The following CRB1 variants were observed in gnomAD, a reference collection of about 807,000 sequenced individuals.
The protein encoded by CRB1 is protein crumbs homolog 1.
In CRB1, 83 loss-of-function variants were observed where a neutral mutation model predicts 120.0. The ratio of observed to expected loss-of-function variants is 0.69; its 90% CI spans 0.58 to 0.83. The LOEUF (loss-of-function observed/expected upper bound fraction) is 0.83, where lower values mean the gene tolerates loss of function less well. CRB1 is among the 40% of genes least tolerant of loss of function. CRB1 has a pLI of 0.00. For synonymous variants in CRB1, 625 were observed against 612.5 expected (o/e 1.02, Z -0.30); for missense variants, 1,699 against 1,687.6 (o/e 1.01, Z -0.12).
rs1430461077 is a variant in CRB1, at chr1:197,421,799, C to T, written c.1971C>T (p.Asn657=). 1 of 1,614,198 alleles carries T rather than the reference C, an allele frequency of 6.2e-7. No individual in the cohort carries two copies. Among genetic ancestry groups the T allele is most frequent in the Admixed American group, 1.7e-5 (1 of 60,034 alleles). ...KIDWNHITLE[N]ISSGSSLNVK... ...ATTGGAATCACATTACCCTGGAGAA[C>T]ATCTCGTCTGGCTCATCATTAAATG... The change falls in exon 6 of 12, where the codon AAC becomes AAT. Residue 657 remains asparagine, a synonymous_variant. Transcript: ENST00000367400.
the CRB1 span, among the ~76,000 whole-genome samples, chr1:197,226,500 T>A: frequency 6.6e-6 from 1 of 152,166 alleles, no homozygotes; most frequent in Non-Finnish European, 1.5e-5. Flanking sequence ...GACTGTGTGT[T>A]TGTGCCCTGT....
chr1:197,275,458 C>T (rs1191401408), intron 1 of CRB1, among the ~76,000 whole-genome samples: 1 of 152,042 alleles, frequency 6.6e-6, no homozygotes, highest in Non-Finnish European at 1.5e-5. Context: ...TTTCAAGAGA[C>T]ATTATATCGA....
the CRB1 span, among the ~76,000 whole-genome samples, chr1:197,232,230 G>A: frequency 6.6e-6 from 1 of 152,164 alleles, no homozygotes; most frequent in Non-Finnish European, 1.5e-5. Context: ...TAGCCTAGTG[G>A]ACATATTTTG....
rs114936900 is a variant in CRB1, at chr1:197,356,720, C to G, written c.989-111C>G. 5,822 of 1,032,692 alleles carry G rather than the reference C, an allele frequency of 5.6e-3. 139 individuals carry two copies. In the African/African-American group the frequency reaches 0.065, roughly 12 times the overall value. 64.0% of individuals were successfully genotyped at this position (1,032,692 alleles called of 1,614,324 possible). On this transcript the variant is annotated intron_variant, in intron 4 of 11. Transcript: ENST00000367400. ...CCCTTACCAGCTCCTTGAGGGCAGG[C>G]ACATCAACTTGCTAAATCAATGCCA...
chr1:197,387,921 C>T (rs1401523037), intron 5 of CRB1, among the ~76,000 whole-genome samples: 1 of 151,642 alleles, frequency 6.6e-6, no homozygotes, highest in African/African-American at 2.4e-5. Context: ...CTTTTTTCCC[C>T]AACCTCCCCT....
At chr1:197,322,711 C>G (rs1658275189) in intron 1 of CRB1, among the ~76,000 whole-genome samples, 1 of 152,148 alleles carries the variant, frequency 6.6e-6, no homozygotes, top group East Asian at 1.9e-4. Context: ...TAGGAGCTTA[C>G]CATAAATGCC....
intron 1 of CRB1, among the ~76,000 whole-genome samples, chr1:197,290,220 G>A (rs527416100): frequency 6.6e-6 from 1 of 151,194 alleles, no homozygotes; most frequent in South Asian, 2.1e-4. Flanking sequence ...TTGCAAAGTA[G>A]CCAAGGATAC....
chr1:197,316,973 G>T (rs1032293037), intron 1 of CRB1, among the ~76,000 whole-genome samples: 4 of 148,600 alleles, frequency 2.7e-5, no homozygotes, highest in African/African-American at 9.9e-5. Context: ...GGAGGTGAAA[G>T]ATCTCTGCAA....
chr1:197,437,437 G>A (rs1012622840), intron 9 of CRB1, among the ~76,000 whole-genome samples: 1 of 152,004 alleles, frequency 6.6e-6, no homozygotes, highest in African/African-American at 2.4e-5. Context: ...AAACACATAG[G>A]CCCTAGTAAC....
the CRB1 span, among the ~76,000 whole-genome samples, chr1:197,237,760 T>C: frequency 3.9e-5 from 6 of 152,160 alleles, no homozygotes; most frequent in African/African-American, 1.4e-4. Flanking sequence ...TAAATACATG[T>C]CATTTTGGCA....
Position 197,421,946 on chromosome 1 carries a change from C to T in CRB1, c.2118C>T (p.Asn706=), listed in dbSNP as rs775275370. The change falls in exon 6 of 12, where the codon AAC becomes AAT. Residue 706 remains asparagine (N), a synonymous_variant. Transcript: ENST00000367400. The part of the protein sequence containing the change: ...CDCHRPYEGP[N]CLREYVAGRF... ...GCCACAGGCCCTATGAAGGCCCCAACTGTCTGAGAGGTGAGAGAAAGCTGA... is the reference window on the plus strand; with the variant it reads ...GCCACAGGCCCTATGAAGGCCCCAATTGTCTGAGAGGTGAGAGAAAGCTGA... 80 of 1,613,764 alleles carry T rather than the reference C, an allele frequency of 5.0e-5. No homozygotes were observed. The highest frequency in any genetic ancestry group is 5.9e-5 in the Non-Finnish European group (70 of 1,180,014).
At chr1:197,417,401 TG>T (rs1453359691) in intron 5 of CRB1, among the ~76,000 whole-genome samples, 1 of 152,196 alleles carries the variant, frequency 6.6e-6, no homozygotes, top group Non-Finnish European at 1.5e-5. Context: ...GTGGTCTAGA[TG>T]GGGAACCCAT....
intron 5 of CRB1, among the ~76,000 whole-genome samples, chr1:197,415,641 C>CTTTTTTTTTTTTTTTTTTTTTTTTT (rs55654070): frequency 1.1e-5 from 1 of 94,012 alleles, no homozygotes; most frequent in Non-Finnish European, 1.9e-5. Flanking sequence ...TTTTTCTTTT[C>CTTTTTTTTTTTTTTTTTTTTTTTTT]TTTTTTTTTT....
chr1:197,373,068 G>T (rs1310638662), intron 5 of CRB1, among the ~76,000 whole-genome samples: 2 of 152,080 alleles, frequency 1.3e-5, no homozygotes, highest in African/African-American at 4.8e-5. Flanking sequence ...TGCTAGAATT[G>T]TTATTCTCCC....
chr1:197,362,847 C>T (rs1221296823), intron 5 of CRB1, among the ~76,000 whole-genome samples: 1 of 151,900 alleles, frequency 6.6e-6, no homozygotes, highest in Admixed American at 6.6e-5. Flanking sequence ...CAATTTCTGC[C>T]TTTTAATTGA....
intron 4 of CRB1, among the ~76,000 whole-genome samples, chr1:197,355,265 G>A (rs1306135131): frequency 6.6e-6 from 1 of 152,208 alleles, no homozygotes; most frequent in East Asian, 1.9e-4. Context: ...ACAGGGTGCT[G>A]ATTGGTGCAT....
At chr1:197,330,969 A>G (rs1047586860) in intron 2 of CRB1, among the ~76,000 whole-genome samples, 2 of 151,948 alleles carry the variant, frequency 1.3e-5, no homozygotes, top group Non-Finnish European at 2.9e-5. Context: ...CCGAGGCGGG[A>G]GGATCACGAG....
intron 1 of CRB1, among the ~76,000 whole-genome samples, chr1:197,270,454 C>T (rs1202086038): frequency 6.6e-6 from 1 of 152,120 alleles, no homozygotes; most frequent in Non-Finnish European, 1.5e-5. Flanking sequence ...ATTTAATTAG[C>T]TCTTCATTTC....
intron 1 of CRB1, among the ~76,000 whole-genome samples, chr1:197,309,302 G>A (rs749473069): frequency 5.7e-4 from 87 of 151,990 alleles, no homozygotes; most frequent in Non-Finnish European, 6.9e-4. Context: ...GTCTTACTAC[G>A]TCTTTGCTGA....
Sources: gnomAD v4.1 joint callset for allele counts (sites outside exome capture counted in the v4.1 genomes callset) on GRCh38, gnomAD v4.1.1 for gene constraint, MANE v1.5 for transcripts, NCBI Gene and HGNC (gene_info 2026-07-23, HGNC 2026-07-21) for gene names.